The following NXPE2 variants were observed in gnomAD, a reference collection of about 807,000 sequenced individuals.
The protein encoded by NXPE2 is NXPE family member 2.
A neutral mutation model predicts 34.4 loss-of-function variants in NXPE2; 34 were observed. That is an observed-to-expected ratio of 0.99 (90% CI 0.75 to 1.31). The LOEUF (loss-of-function observed/expected upper bound fraction) is 1.31. Ranked by LOEUF, NXPE2 falls within the 40% of genes most tolerant of loss-of-function variation. NXPE2 has a pLI of 0.00. For missense variants in NXPE2, 649 were observed against 672.5 expected (o/e 0.97, Z 0.39); for synonymous variants, 235 against 231.3 (o/e 1.02, Z -0.15).
At chr11:114,751,554 AGG>A in the NXPE2 span, among the ~76,000 whole-genome samples, 2 of 152,154 alleles carry the variant, frequency 1.3e-5, no homozygotes, top group Non-Finnish European at 2.9e-5. Flanking sequence ...AAGTGCCATT[AGG>A]GAAAATTAAA....
the NXPE2 span, among the ~76,000 whole-genome samples, chr11:114,812,383 T>C: frequency 6.6e-5 from 10 of 152,192 alleles, no homozygotes; most frequent in Non-Finnish European, 2.9e-5. Context: ...ATAACAACTT[T>C]CTAATAATTA....
At chr11:114,605,494 A>G in the NXPE2 span, among the ~76,000 whole-genome samples, 2 of 151,826 alleles carry the variant, frequency 1.3e-5, no homozygotes, top group Non-Finnish European at 2.9e-5. Context: ...CCGGTGGATA[A>G]TAAGTGTTGC....
chr11:114,533,520 G>A, the NXPE2 span, among the ~76,000 whole-genome samples: 1 of 152,204 alleles, frequency 6.6e-6, no homozygotes, highest in African/African-American at 2.4e-5. Flanking sequence ...AGCGGTCAGG[G>A]AATTTCCTTT....
At chr11:114,759,327 C>T in the NXPE2 span, among the ~76,000 whole-genome samples, 49,783 of 152,020 alleles carry the variant, frequency 0.33, 8,982 homozygotes, top group East Asian at 0.43. Context: ...ACTGTGAGCC[C>T]GTGGGGAAGC....
chr11:114,509,486 A>G, the NXPE2 span, among the ~76,000 whole-genome samples: 1 of 152,174 alleles, frequency 6.6e-6, no homozygotes, highest in Non-Finnish European at 1.5e-5. Flanking sequence ...GCTCGTTGTG[A>G]CACTACTCAC....
the NXPE2 span, among the ~76,000 whole-genome samples, chr11:114,641,575 G>A: frequency 6.6e-6 from 1 of 152,048 alleles, no homozygotes; most frequent in African/African-American, 2.4e-5. Flanking sequence ...AAGACTAAAT[G>A]TGCTAGGTGT....
At chr11:114,594,682 A>G in the NXPE2 span, 4 of 1,600,730 alleles carry the variant, frequency 2.5e-6, no homozygotes, top group Non-Finnish European at 3.4e-6. Context: ...AGTTCTGGAA[A>G]ACTGTAAAAA....
At chr11:114,529,025 G>A in the NXPE2 span, 1 of 409,538 alleles carries the variant, frequency 2.4e-6, no homozygotes, top group Non-Finnish European at 4.3e-6. Flanking sequence ...GGATAATGAG[G>A]TAAGATTCTG....
the NXPE2 span, among the ~76,000 whole-genome samples, chr11:114,810,426 C>A: frequency 2.2e-5 from 2 of 89,970 alleles, no homozygotes; most frequent in Admixed American, 1.2e-4. Flanking sequence ...GGGAGAAAAT[C>A]TTTGCAACCT....
At chr11:114,614,941 G>T in the NXPE2 span, among the ~76,000 whole-genome samples, 3 of 151,602 alleles carry the variant, frequency 2.0e-5, no homozygotes, top group African/African-American at 4.8e-5. Flanking sequence ...TGCCTCTTGG[G>T]TTACCACTGT....
the NXPE2 span, among the ~76,000 whole-genome samples, chr11:114,651,068 A>G: frequency 6.6e-6 from 1 of 151,238 alleles, no homozygotes; most frequent in Non-Finnish European, 1.5e-5. Context: ...TAGCTAGCAT[A>G]ATGTATAATA....
the NXPE2 span, among the ~76,000 whole-genome samples, chr11:114,611,949 G>C: frequency 1.3e-5 from 2 of 151,634 alleles, no homozygotes; most frequent in Non-Finnish European, 2.9e-5. Context: ...ACTGTTACCT[G>C]GTAGATAATA....
chr11:114,596,560 C>G, the NXPE2 span, among the ~76,000 whole-genome samples: 3 of 152,232 alleles, frequency 2.0e-5, no homozygotes, highest in Non-Finnish European at 4.4e-5. Flanking sequence ...ATTCTTCCAA[C>G]ATCTTTGATC....
the NXPE2 span, chr11:114,580,274 A>C: frequency 6.2e-7 from 1 of 1,614,072 alleles, no homozygotes; most frequent in Admixed American, 1.7e-5. Context: ...TTCTCCAGAC[A>C]TGCCCACTGG....
At chr11:114,472,245 T>C in the NXPE2 span, among the ~76,000 whole-genome samples, 2 of 152,228 alleles carry the variant, frequency 1.3e-5, no homozygotes, top group Non-Finnish European at 2.9e-5. Flanking sequence ...GAGTTGTATT[T>C]GTTGGCTTGG....
chr11:114,723,794 T>C, the NXPE2 span, among the ~76,000 whole-genome samples: 1 of 152,240 alleles, frequency 6.6e-6, no homozygotes, highest in East Asian at 1.9e-4. Context: ...TAGTTTTTCC[T>C]TCAAACACAA....
At chr11:114,542,901 A>G in the NXPE2 span, among the ~76,000 whole-genome samples, 1 of 152,332 alleles carries the variant, frequency 6.6e-6, no homozygotes. Flanking sequence ...AATATGTCAT[A>G]CTGACACCAA....
the NXPE2 span, chr11:114,522,595 C>T: frequency 3.8e-6 from 4 of 1,046,828 alleles, no homozygotes; most frequent in Non-Finnish European, 5.4e-6. Flanking sequence ...CCCACCCTAC[C>T]TAGATAATTG....
At chr11:114,646,515 G>C in the NXPE2 span, among the ~76,000 whole-genome samples, 4 of 151,942 alleles carry the variant, frequency 2.6e-5, no homozygotes, top group African/African-American at 9.6e-5. Context: ...TTAGAACAAT[G>C]TAATTTTTTA....
Sources: allele counts gnomAD v4.1 joint callset (sites outside exome capture counted in the v4.1 genomes callset), GRCh38; gene constraint gnomAD v4.1.1; transcripts MANE v1.5; gene names NCBI Gene and HGNC (gene_info 2026-07-23, HGNC 2026-07-21).